Variants in DHX34 observed in about 807,000 individuals in gnomAD.
DHX34 encodes probable ATP-dependent RNA helicase DHX34.
DHX34 carries 96 observed loss-of-function variants against 111.1 expected under a neutral mutation model. That is an observed-to-expected ratio of 0.86 (90% confidence interval 0.73 to 1.02). The LOEUF (loss-of-function observed/expected upper bound fraction) is 1.02. DHX34 is among the 50% of genes least tolerant of loss of function. The probability of loss-of-function intolerance (pLI) is 0.00; values close to 1 mark genes in which losing one functional copy is unlikely to be tolerated. For missense variants in DHX34, 1,560 were observed against 1,579.9 expected (o/e 0.99, Z 0.21); for synonymous variants, 688 against 670.4 (o/e 1.03, Z -0.41).
chr19:47,366,155 G>C (rs1438585484), intron 6 of DHX34, among the ~76,000 whole-genome samples: 1 of 152,178 alleles, frequency 6.6e-6, no homozygotes, highest in African/African-American at 2.4e-5. Context: ...GATTGGTCCA[G>C]CTCAGGTCAC....
rs769467907 is a variant in DHX34, at chr19:47,362,520, C to T, written c.1420C>T (p.Arg474Trp). ...CTACGATCCGCAGGCCAAGCTGCAA[C>T]GGCTGCAGGAGTTCTGGATTAGTCA... The part of the protein sequence containing the change: ...MSYDPQAKLQ[R>W]LQEFWISQAS... Residue 474 changes from arginine (R) to tryptophan (W), a missense_variant, in exon 6 of 17, where the codon CGG becomes TGG. By Grantham distance (101) the Arg-to-Trp change is moderately radical (BLOSUM62 -3). Coordinates refer to ENST00000328771, the MANE Select transcript of DHX34 (RefSeq NM_014681.6). The T allele has an allele frequency of 2.4e-5, 38 of 1,604,032 alleles. No individual in the cohort carries two copies. Among genetic ancestry groups the T allele is most frequent in the East Asian group, 4.5e-5 (2 of 44,182 alleles).
At chr19:47,381,430 G>T (rs565583121) in intron 16 of DHX34, 106 bp downstream of exon 16, 11 of 1,463,866 alleles carry the variant, frequency 7.5e-6, no homozygotes, top group South Asian at 4.0e-5. Context: ...GAGGACTGAC[G>T]ACCTCCACCC....
chr19:47,353,971 C>G lies in DHX34; in HGVS notation c.705+236C>G, dbSNP rs184508837. 2.5e-4 allele frequency among the ~76,000 whole-genome samples: 38 copies of G among 151,644 alleles called. No individual in the cohort carries two copies. Among genetic ancestry groups the G allele is most frequent in the Middle Eastern group, 3.4e-3 (1 of 292 alleles). ...TGGGAAATGTCCTAAAGGCTCATCA[C>G]TTTTTTTTTGAGACGGAGTCTCACT... On this transcript the variant is annotated intron_variant, in intron 2 of 16. Transcript: ENST00000328771. The surrounding 1 kb of genome is among the most constrained non-coding windows in gnomAD (Gnocchi z 4.6).
At chr19:47,363,419 C>CA (rs1292439345) in intron 6 of DHX34, among the ~76,000 whole-genome samples, 3 of 152,044 alleles carry the variant, frequency 2.0e-5, no homozygotes, top group Non-Finnish European at 4.4e-5. Flanking sequence ...TAGGACCCAA[C>CA]CCCAGAGTGT....
At chr19:47,370,106 G>C (rs1969919760) in intron 7 of DHX34, among the ~76,000 whole-genome samples, 1 of 152,166 alleles carries the variant, frequency 6.6e-6, no homozygotes, top group Non-Finnish European at 1.5e-5. Context: ...CACCACCAGA[G>C]GCTGGGTGTG....
chr19:47,355,079 C>T lies in DHX34; in HGVS notation c.746C>T (p.Ala249Val). ...QIRFESTRSA[A>V]TKIVFLTVGL... ...CGCTTTGAGAGCACACGTTCGGCGG[C>T]CACCAAGATTGTATTCCTGACAGTG... Residue 249 changes from alanine (A) to valine (V), a missense_variant, in exon 3 of 17, where the codon GCC (alanine) becomes GTC (valine). Transcript: ENST00000328771. The T allele has an allele frequency of 1.2e-6, 2 of 1,614,078 alleles. No individual in the cohort carries two copies. Among genetic ancestry groups the T allele is most frequent in the Non-Finnish European group, 1.7e-6 (2 of 1,180,016 alleles).
intron 7 of DHX34, among the ~76,000 whole-genome samples, chr19:47,370,663 A>G (rs1485705039): frequency 3.9e-5 from 5 of 127,820 alleles, no homozygotes; most frequent in Non-Finnish European, 5.6e-5. Context: ...AAGATGGTTC[A>G]TTTTTGTTTT....
intron 7 of DHX34, among the ~76,000 whole-genome samples, chr19:47,372,401 G>A (rs748720724): frequency 6.6e-6 from 1 of 152,108 alleles, no homozygotes; most frequent in Non-Finnish European, 1.5e-5. Context: ...GCATCAGAGC[G>A]CTGGGGGAGT....
intron 8 of DHX34, 131 bp downstream of exon 8, chr19:47,373,054 G>A (rs1222085473): frequency 8.2e-7 from 1 of 1,221,046 alleles, no homozygotes; most frequent in African/African-American, 1.5e-5. Flanking sequence ...CACAGACTGG[G>A]CCTGCCTGGG....
chr19:47,381,396 CGT>C (rs1325345513), intron 16 of DHX34, 72 bp downstream of exon 16: 2 of 1,551,312 alleles, frequency 1.3e-6, no homozygotes, highest in Admixed American at 1.9e-5. Context: ...GTCTCCTGTG[CGT>C]GTGAGCACTT....
At position 47,353,862 on chromosome 19, in the gene DHX34, A is replaced by T; in HGVS notation, c.705+127A>T. ...TGGACCCAGCGATGATTCTTCTAGAACTTTATCCACAGAGTGGCTTGTCTG... is the reference window on the plus strand; with the variant it reads ...TGGACCCAGCGATGATTCTTCTAGATCTTTATCCACAGAGTGGCTTGTCTG... On this transcript the variant is annotated intron_variant, in intron 2 of 16. Coordinates refer to ENST00000328771, the MANE Select transcript of DHX34 (RefSeq NM_014681.6). This position sits in a 1 kb window ranked among gnomAD's most constrained non-coding sequence, Gnocchi z 4.6. The T allele has an allele frequency of 1.1e-6, 1 of 933,352 alleles. No homozygotes were observed. The highest frequency in any genetic ancestry group is 1.5e-6 in the Non-Finnish European group (1 of 645,628). 57.8% of individuals were successfully genotyped at this position (933,352 alleles called of 1,614,324 possible). A position where few individuals can be genotyped will look rare whatever the true frequency, so the allele number is the denominator to read the frequency against.
Position 47,355,458 on chromosome 19 carries a change from A to G in DHX34, c.1017+108A>G, listed in dbSNP as rs878881350. 6 of 1,468,218 alleles carry G rather than the reference A, an allele frequency of 4.1e-6. No homozygotes were observed. The South Asian group carries it at 8.2e-5, about 20-fold the overall frequency. 90.9% of individuals were successfully genotyped at this position (1,468,218 alleles called of 1,614,324 possible). A position where few individuals can be genotyped will look rare whatever the true frequency, so the allele number is the denominator to read the frequency against. On this transcript the variant is annotated intron_variant, in intron 3 of 16. Coordinates refer to ENST00000328771, the MANE Select transcript of DHX34 (RefSeq NM_014681.6). Reference sequence around the variant, plus strand: ...GCTGTATCTCCCATCTCTTTCATTTAAAGATGTTCTCTTTTTTTAAAGCTA... The same window carrying G: ...GCTGTATCTCCCATCTCTTTCATTTGAAGATGTTCTCTTTTTTTAAAGCTA...
intron 7 of DHX34, among the ~76,000 whole-genome samples, chr19:47,371,152 C>T (rs932100383): frequency 6.6e-6 from 1 of 151,680 alleles, no homozygotes; most frequent in Non-Finnish European, 1.5e-5. Flanking sequence ...GATGGGGAAA[C>T]TGAGGCTGGG....
chr19:47,357,621 A>C (rs546674851), intron 3 of DHX34: 46 of 464,056 alleles, frequency 9.9e-5, no homozygotes, highest in African/African-American at 8.3e-4. Context: ...GGAATTATCC[A>C]GACTGAAATG....
Position 47,375,744 on chromosome 19 carries a change from C to G in DHX34, c.2307+36C>G, listed in dbSNP as rs144547465. On this transcript the variant is annotated intron_variant, in intron 10 of 16. Coordinates refer to ENST00000328771, the MANE Select transcript of DHX34 (RefSeq NM_014681.6). ...TGGGCTGTGGGGTGTGGGGGTTTAC[C>G]AAGGTGGGCCTTGGCCTCTCCTGGG... is the stretch of plus-strand genomic sequence containing the variant. 1.3e-5 allele frequency: 21 copies of G among 1,559,012 alleles called. No homozygotes were observed. The East Asian group carries it at 4.9e-4, about 36-fold the overall frequency.
intron 7 of DHX34, among the ~76,000 whole-genome samples, chr19:47,367,895 C>CAA (rs1226350533): frequency 0.013 from 608 of 45,956 alleles, 13 homozygotes; most frequent in African/African-American, 0.047. Flanking sequence ...GACTCCATCT[C>CAA]AAAAAAAAAA....
At chr19:47,361,325 G>T (rs891219765) in intron 5 of DHX34, among the ~76,000 whole-genome samples, 1 of 151,946 alleles carries the variant, frequency 6.6e-6, no homozygotes, top group African/African-American at 2.4e-5. Context: ...AGGCATGGTA[G>T]TGCGTGCTTG....
chr19:47,375,142 C>T (rs1463301604), intron 9 of DHX34, among the ~76,000 whole-genome samples: 3 of 152,178 alleles, frequency 2.0e-5, no homozygotes, highest in African/African-American at 7.2e-5. Context: ...GTGCAGGACG[C>T]CCACCAGGGC....
chr19:47,379,121 T>G (rs1970263908), intron 13 of DHX34, among the ~76,000 whole-genome samples: 1 of 151,648 alleles, frequency 6.6e-6, no homozygotes, highest in Non-Finnish European at 1.5e-5. Context: ...AGAGTGAGAC[T>G]CATCTCAAAT....
Sources: allele counts gnomAD v4.1 joint callset (sites outside exome capture counted in the v4.1 genomes callset), GRCh38; gene constraint gnomAD v4.1.1; non-coding constraint Gnocchi (gnomAD v3.1); transcripts MANE v1.5; gene names NCBI Gene and HGNC (gene_info 2026-07-23, HGNC 2026-07-21).